LMNTD1: variants seen among roughly 807,000 people sequenced by gnomAD.
LMNTD1 encodes the protein lamin tail domain containing 1, also known as lamin tail domain-containing protein 1.
LMNTD1 carries 35 observed loss-of-function variants against 50.9 expected under a neutral mutation model. That is an observed-to-expected ratio of 0.69 (90% CI 0.53 to 0.91). LMNTD1 has a LOEUF of 0.91. Among genes scored for constraint, LMNTD1 ranks in the 40% least tolerant of loss-of-function variants. The pLI is 0.00. For missense variants in LMNTD1, 470 were observed against 475.5 expected, an observed-to-expected ratio of 0.99 and a Z score of 0.11; for synonymous variants, 153 against 161.9, an observed-to-expected ratio of 0.94 and a Z score of 0.42.
At chr12:25,487,861 G>A (rs371827046) in intron 9 of LMNTD1, among the ~76,000 whole-genome samples, 7 of 89,980 alleles carry the variant, frequency 7.8e-5, no homozygotes, top group Admixed American at 5.5e-4. Context: ...TTGCTTGTCT[G>A]TAAAGTATTT....
upstream of LMNTD1, chr12:25,553,344 C>T: frequency 1.0e-6 from 1 of 980,372 alleles, no homozygotes; most frequent in Non-Finnish European, 1.4e-6. Flanking sequence ...CCATAGTAAC[C>T]AAGTTCCAGT....
At chr12:25,492,590 A>G (rs187901753) in intron 9 of LMNTD1, among the ~76,000 whole-genome samples, 90 of 152,332 alleles carry the variant, frequency 5.9e-4, no homozygotes, top group Admixed American at 2.0e-3. Flanking sequence ...ACTGTATTTG[A>G]TCAATCAATG....
intron 4 of LMNTD1, among the ~76,000 whole-genome samples, chr12:25,531,845 G>T: frequency 6.6e-6 from 1 of 152,058 alleles, no homozygotes; most frequent in Middle Eastern, 3.2e-3. Flanking sequence ...ATTCAGTCTA[G>T]ATATTTACTT....
rs139037106 is a variant in LMNTD1, at chr12:25,590,504, A to C, written c.59-43950T>G. On this transcript the variant is annotated intron_variant, in intron 1 of 7. Transcript: ENST00000445693. Reference sequence around the variant, plus strand: ...GGACTGCAACTCCTAGGTGAGTCCTAGTGCTGGACTGGTCCCAGAGCCAGT... The same window carrying C: ...GGACTGCAACTCCTAGGTGAGTCCTCGTGCTGGACTGGTCCCAGAGCCAGT... Among the ~76,000 whole-genome samples the C allele has an allele frequency of 7.6e-3, 1,162 of 152,292 alleles. 11 individuals carry two copies. Among genetic ancestry groups the C allele is most frequent in the African/African-American group, 0.025 (1,033 of 41,566 alleles).
In LMNTD1 at chr12:25,646,655, G is replaced by C. The variant is rs1270303796; in HGVS notation, c.58+1839C>G. On this transcript the variant is annotated intron_variant, in intron 1 of 7. Transcript: ENST00000445693. ...AAGGTAGCCTGGGAGTATGCAGAAA[G>C]GAAGCATCAACCATAGTTCAGAGAT... Among the ~76,000 whole-genome samples, 3 of 152,154 alleles carry C rather than the reference G, an allele frequency of 2.0e-5. No individual in the cohort carries two copies. In the East Asian group the frequency reaches 5.8e-4, roughly 29 times the overall value.
intron 1 of LMNTD1, among the ~76,000 whole-genome samples, chr12:25,631,110 G>A (rs1946708958): frequency 6.6e-6 from 1 of 152,074 alleles, no homozygotes; most frequent in Non-Finnish European, 1.5e-5. Flanking sequence ...CCATTGGCCT[G>A]GGGACCTCAC....
chr12:25,596,358 T>G (rs1024710775), intron 1 of LMNTD1, among the ~76,000 whole-genome samples: 2 of 151,864 alleles, frequency 1.3e-5, no homozygotes, highest in Admixed American at 1.3e-4. Flanking sequence ...CAACAACATA[T>G]CAAAAAGATA....
chr12:25,523,129 G>A (rs892392053), intron 6 of LMNTD1, among the ~76,000 whole-genome samples: 12 of 152,084 alleles, frequency 7.9e-5, no homozygotes, highest in African/African-American at 2.9e-4. Flanking sequence ...CGCCTCCCAG[G>A]TTCAAGCAAT....
chr12:25,636,277 C>G (rs1461014130), intron 1 of LMNTD1, among the ~76,000 whole-genome samples: 2 of 151,806 alleles, frequency 1.3e-5, no homozygotes, highest in Non-Finnish European at 2.9e-5. Flanking sequence ...TGAACTCAAA[C>G]AAATCAGTAA....
chr12:25,531,823 T>G (rs921740976), intron 4 of LMNTD1, among the ~76,000 whole-genome samples: 2 of 152,230 alleles, frequency 1.3e-5, no homozygotes, highest in African/African-American at 4.8e-5. Flanking sequence ...ATTTATAACC[T>G]TGCTATCTGT....
intron 1 of LMNTD1, among the ~76,000 whole-genome samples, chr12:25,576,873 G>A (rs1280093695): frequency 3.9e-5 from 6 of 152,012 alleles, no homozygotes; most frequent in African/African-American, 1.5e-4. Flanking sequence ...TTTGTATAAG[G>A]TGTAAGGAAG....
rs1230645787 is a variant in LMNTD1, at chr12:25,623,548, T to C, written c.58+24946A>G. On this transcript the variant is annotated intron_variant, in intron 1 of 7. Transcript: ENST00000445693. ...CAGCCTGGGTGATAGAGCAAGACTC[T>C]GTCTCAAAAAAAAAAAAAAAAAAAA... is the stretch of plus-strand genomic sequence containing the variant. 6.6e-3 allele frequency among the ~76,000 whole-genome samples: 502 copies of C among 76,520 alleles called. 5 individuals are homozygous for C. The highest frequency in any genetic ancestry group is 0.011 in the Admixed American group (47 of 4,422). The allele number at this position is 76,520 out of a possible 152,430, so 50.2% of individuals were successfully genotyped here. A position where few individuals can be genotyped will look rare whatever the true frequency, so the allele number is the denominator to read the frequency against.
intron 1 of LMNTD1, among the ~76,000 whole-genome samples, chr12:25,642,431 A>T (rs928920215): frequency 3.3e-5 from 5 of 152,164 alleles, no homozygotes; most frequent in Admixed American, 3.3e-4. Flanking sequence ...TATGAACCAG[A>T]AGGAGGGCCC....
At chr12:25,607,416 T>A (rs1351054990) in intron 1 of LMNTD1, among the ~76,000 whole-genome samples, 1 of 152,218 alleles carries the variant, frequency 6.6e-6, no homozygotes, top group African/African-American at 2.4e-5. Context: ...GTTCTTTTAA[T>A]TGTGATGTTA....
chr12:25,641,164 A>G (rs1183531918), intron 1 of LMNTD1, among the ~76,000 whole-genome samples: 1 of 152,212 alleles, frequency 6.6e-6, no homozygotes, highest in Non-Finnish European at 1.5e-5. Context: ...GGATGACTAT[A>G]GAATAGATCT....
intron 1 of LMNTD1, among the ~76,000 whole-genome samples, chr12:25,617,918 A>G (rs1046487680): frequency 4.6e-5 from 7 of 152,180 alleles, no homozygotes; most frequent in Non-Finnish European, 1.0e-4. Flanking sequence ...GCACTGTTCT[A>G]TGTATTTAAT....
At chr12:25,496,797 T>C (rs1417575916) in intron 9 of LMNTD1, among the ~76,000 whole-genome samples, 1 of 152,158 alleles carries the variant, frequency 6.6e-6, no homozygotes, top group East Asian at 1.9e-4. Flanking sequence ...GCAACCATCA[T>C]CTCTATCCAT....
chr12:25,527,679 T>TACACACACAC (rs1480202150), intron 4 of LMNTD1, among the ~76,000 whole-genome samples: 1 of 19,262 alleles, frequency 5.2e-5, no homozygotes, highest in South Asian at 2.5e-3. Flanking sequence ...TATATATATA[T>TACACACACAC]ATACACACAC....
chr12:25,546,787 A>G (rs1405747958), intron 3 of LMNTD1, among the ~76,000 whole-genome samples: 4 of 151,750 alleles, frequency 2.6e-5, no homozygotes, highest in African/African-American at 9.7e-5. Flanking sequence ...TATTTCAGTT[A>G]TCTTAAACAA....
Sources: allele counts gnomAD v4.1 joint callset (sites outside exome capture counted in the v4.1 genomes callset), GRCh38; gene constraint gnomAD v4.1.1; transcripts MANE v1.5; gene names NCBI Gene and HGNC (gene_info 2026-07-23, HGNC 2026-07-21).